Variants in ROBO1 observed in about 807,000 individuals in gnomAD.
ROBO1 encodes the protein roundabout guidance receptor 1.
In ROBO1, 149 loss-of-function variants were observed where a neutral mutation model predicts 195.9. The observed-to-expected ratio is 0.76, with a 90% CI of 0.67 to 0.87. ROBO1 has a LOEUF of 0.87. Among genes scored for constraint, ROBO1 ranks in the 40% least tolerant of loss-of-function variants. The probability of loss-of-function intolerance (pLI) is 0.00; values close to 1 mark genes in which losing one functional copy is unlikely to be tolerated. For synonymous variants in ROBO1, 816 were observed against 733.2 expected (o/e 1.11, Z -1.82); for missense variants, 1,933 against 2,068.3 (o/e 0.93, Z 1.27).
At chr3:79,540,265 A>AAT in intron 2 of ROBO1, among the ~76,000 whole-genome samples, 1 of 152,190 alleles carries the variant, frequency 6.6e-6, no homozygotes, top group East Asian at 1.9e-4. Context: ...TCGAGCCCAG[A>AAT]ATATAGAAGG....
At chr3:79,408,395 A>T (rs1280274421) in intron 2 of ROBO1, among the ~76,000 whole-genome samples, 1 of 152,022 alleles carries the variant, frequency 6.6e-6, no homozygotes, top group Admixed American at 6.6e-5. Flanking sequence ...TTCATTGAAT[A>T]AATGTATTTT....
At position 78,657,281 on chromosome 3, in the gene ROBO1, A is replaced by G. The variant is rs760260642; in HGVS notation, c.2443-12T>C. 12 of 1,612,554 alleles carry G rather than the reference A, an allele frequency of 7.4e-6. No individual in the cohort carries two copies. The South Asian group carries it at 1.3e-4, about 18-fold the overall frequency. On this transcript the variant is annotated splice_polypyrimidine_tract_variant and intron_variant, in intron 17 of 30. Transcript: ENST00000464233. Reference sequence around the variant, plus strand: ...CCCAGACACCAAACCTGTAAGAAGCACATCACAAAAATCAAGCTGGTAAAT... The same window carrying G: ...CCCAGACACCAAACCTGTAAGAAGCGCATCACAAAAATCAAGCTGGTAAAT...
Position 79,156,885 on chromosome 3 carries a change from AATTGTGTTTTACTAAT to A in ROBO1, c.89-31362_89-31347del, listed in dbSNP as rs369103386. 1.2e-4 allele frequency among the ~76,000 whole-genome samples: 18 copies of A among 151,924 alleles called. 1 individual carries two copies. Among genetic ancestry groups the A allele is most frequent in the African/African-American group, 4.1e-4 (17 of 41,502 alleles). Reference sequence around the variant, plus strand: ...TTCCTTTACTTTGTAAGCCTCTTATAATTGTGTTTTACTAATAGTTCCATGTTCATATACTTAGAAA... The same window carrying A: ...TTCCTTTACTTTGTAAGCCTCTTATAAGTTCCATGTTCATATACTTAGAAA... On this transcript the variant is annotated intron_variant, in intron 2 of 30. Transcript: ENST00000464233.
chr3:78,629,307 T>TA (rs34532622), intron 25 of ROBO1, among the ~76,000 whole-genome samples: 53,901 of 151,784 alleles, frequency 0.36, 10,276 homozygotes, highest in Middle Eastern at 0.46. Flanking sequence ...GCTTTTTTTT[T>TA]AAAAAAAACC....
intron 3 of ROBO1, among the ~76,000 whole-genome samples, chr3:78,965,023 A>T (rs947690135): frequency 6.6e-6 from 1 of 151,876 alleles, no homozygotes; most frequent in East Asian, 1.9e-4. Context: ...TTTTTTATAC[A>T]TTATATATGA....
intron 3 of ROBO1, among the ~76,000 whole-genome samples, chr3:79,089,682 A>T (rs554333765): frequency 6.6e-6 from 1 of 152,270 alleles, no homozygotes; most frequent in South Asian, 2.1e-4. Context: ...AAGATTACAT[A>T]CTATAATTCA....
At chr3:78,646,617 A>AG (rs1285099060) in intron 20 of ROBO1, among the ~76,000 whole-genome samples, 35 of 147,812 alleles carry the variant, frequency 2.4e-4, no homozygotes, top group Admixed American at 2.1e-3. Flanking sequence ...GGAAAAAAAA[A>AG]AACTACTAGA....
chr3:78,677,805 A>G (rs1384961532), intron 10 of ROBO1, among the ~76,000 whole-genome samples: 1 of 152,162 alleles, frequency 6.6e-6, no homozygotes, highest in Non-Finnish European at 1.5e-5. Context: ...AATTGAACTC[A>G]GCTCTGCACC....
chr3:79,280,803 A>G (rs1364021394), intron 2 of ROBO1, among the ~76,000 whole-genome samples: 2 of 152,102 alleles, frequency 1.3e-5, no homozygotes, highest in African/African-American at 4.8e-5. Flanking sequence ...TGCAACCTAC[A>G]TTGCTCGCAT....
At chr3:79,064,885 C>G (rs1172914476) in intron 3 of ROBO1, among the ~76,000 whole-genome samples, 1 of 151,858 alleles carries the variant, frequency 6.6e-6, no homozygotes, top group East Asian at 1.9e-4. Flanking sequence ...ATTTCTCCAC[C>G]TTAGGAGTAA....
intron 2 of ROBO1, among the ~76,000 whole-genome samples, chr3:79,267,702 A>G (rs2030114326): frequency 6.6e-6 from 1 of 151,540 alleles, no homozygotes; most frequent in Admixed American, 6.6e-5. Flanking sequence ...CAGACTGATT[A>G]TAAGTATTAT....
At chr3:79,413,777 G>C (rs2037880093) in intron 2 of ROBO1, among the ~76,000 whole-genome samples, 1 of 152,050 alleles carries the variant, frequency 6.6e-6, no homozygotes, top group African/African-American at 2.4e-5. Context: ...GATCCATAAA[G>C]GGAACTTAGT....
At chr3:79,493,646 T>TA (rs1301259072) in intron 2 of ROBO1, among the ~76,000 whole-genome samples, 1 of 152,044 alleles carries the variant, frequency 6.6e-6, no homozygotes, top group Non-Finnish European at 1.5e-5. Flanking sequence ...ATAAATAATT[T>TA]AAAAAATCAA....
chr3:79,507,593 A>G (rs1940470933), intron 2 of ROBO1, among the ~76,000 whole-genome samples: 1 of 152,188 alleles, frequency 6.6e-6, no homozygotes, highest in Non-Finnish European at 1.5e-5. Flanking sequence ...TTCATCATAA[A>G]GAATAATTGA....
chr3:79,425,140 T>C (rs2038394546), intron 2 of ROBO1, among the ~76,000 whole-genome samples: 1 of 152,166 alleles, frequency 6.6e-6, no homozygotes, highest in South Asian at 2.1e-4. Flanking sequence ...TAAATGCATA[T>C]GACTATTTTT....
chr3:79,378,341 C>G (rs1161517472), intron 2 of ROBO1, among the ~76,000 whole-genome samples: 1 of 152,030 alleles, frequency 6.6e-6, no homozygotes, highest in Non-Finnish European at 1.5e-5. Context: ...GTCTCCCTGT[C>G]CCCCATGCTG....
chr3:79,034,375 G>C (rs1200816051), intron 3 of ROBO1, among the ~76,000 whole-genome samples: 1 of 152,146 alleles, frequency 6.6e-6, no homozygotes, highest in African/African-American at 2.4e-5. Context: ...CTGTTAGTCA[G>C]AAGCCAGGTC....
chr3:79,143,846 C>T (rs892545490), intron 2 of ROBO1, among the ~76,000 whole-genome samples: 1 of 152,066 alleles, frequency 6.6e-6, no homozygotes, highest in Non-Finnish European at 1.5e-5. Context: ...TGGTCCCACA[C>T]ACTTTCCTCC....
At chr3:79,340,865 A>G (rs2034880698) in intron 2 of ROBO1, among the ~76,000 whole-genome samples, 1 of 152,322 alleles carries the variant, frequency 6.6e-6, no homozygotes, top group South Asian at 2.1e-4. Context: ...GTATTTCTGG[A>G]TTCAAAGTGC....
Sources: gnomAD v4.1 joint callset for allele counts (sites outside exome capture counted in the v4.1 genomes callset) on GRCh38, gnomAD v4.1.1 for gene constraint, MANE v1.5 for transcripts, NCBI Gene and HGNC (gene_info 2026-07-23, HGNC 2026-07-21) for gene names.